Variants in PTPRD observed in about 807,000 individuals in gnomAD.
PTPRD encodes protein tyrosine phosphatase receptor type D.
A neutral mutation model predicts 214.5 loss-of-function variants in PTPRD; 34 were observed. The ratio of observed to expected loss-of-function variants is 0.16; its 90% CI spans 0.12 to 0.21. The LOEUF (loss-of-function observed/expected upper bound fraction) is 0.21, where lower values mean the gene tolerates loss of function less well. Ranked by LOEUF, PTPRD falls within the 10% of genes least tolerant of loss-of-function variation. The probability of loss-of-function intolerance (pLI) is 1.00; values close to 1 mark genes in which losing one functional copy is unlikely to be tolerated. For synonymous variants in PTPRD, 1,128 were observed against 845.7 expected (o/e 1.33, Z -5.79); for missense variants, 2,545 against 2,398.7 (o/e 1.06, Z -1.27).
chr9:9,967,955 A>T (rs1237640816), intron 4 of PTPRD, among the ~76,000 whole-genome samples: 1 of 152,140 alleles, frequency 6.6e-6, no homozygotes, highest in African/African-American at 2.4e-5. Context: ...TTTGTCACAA[A>T]ATTTTAGAAT....
At chr9:10,454,252 A>G (rs554461123) in intron 2 of PTPRD, among the ~76,000 whole-genome samples, 1 of 151,650 alleles carries the variant, frequency 6.6e-6, no homozygotes, top group South Asian at 2.1e-4. Context: ...GCTTTCCTGA[A>G]CATTTGCCAT....
intron 11 of PTPRD, among the ~76,000 whole-genome samples, chr9:8,929,320 T>G (rs988189210): frequency 2.0e-5 from 3 of 152,166 alleles, no homozygotes; most frequent in African/African-American, 7.2e-5. Flanking sequence ...ATATTGGCTG[T>G]GGGTTTGTCA....
At chr9:10,093,109 A>G (rs1330233441) in intron 3 of PTPRD, among the ~76,000 whole-genome samples, 1 of 151,760 alleles carries the variant, frequency 6.6e-6, no homozygotes, top group Non-Finnish European at 1.5e-5. Context: ...AATAGGATCT[A>G]ATTAAACTAA....
chr9:8,794,423 T>C (rs1377804528), intron 11 of PTPRD, among the ~76,000 whole-genome samples: 2 of 152,186 alleles, frequency 1.3e-5, no homozygotes, highest in Non-Finnish European at 2.9e-5. Context: ...ATCACACTAC[T>C]TTGAAAGAAT....
chr9:9,352,325 ATATGTGTGTGTGTG>A (rs1353575302), intron 9 of PTPRD, among the ~76,000 whole-genome samples: 7 of 142,678 alleles, frequency 4.9e-5, no homozygotes, highest in African/African-American at 1.3e-4. Flanking sequence ...ATATATATAT[ATATGTGTGTGTGTG>A]TGTGTGTGTG....
chr9:10,589,694 T>C (rs1252270526), intron 2 of PTPRD, among the ~76,000 whole-genome samples: 1 of 152,016 alleles, frequency 6.6e-6, no homozygotes, highest in Non-Finnish European at 1.5e-5. Flanking sequence ...CAGAAACTGA[T>C]GGATACAGTG....
chr9:9,608,415 G>A (rs2094318692), intron 7 of PTPRD, among the ~76,000 whole-genome samples: 1 of 152,042 alleles, frequency 6.6e-6, no homozygotes, highest in Admixed American at 6.6e-5. Context: ...TGTCCAGTAA[G>A]GGAAAATTTC....
chr9:10,379,780 A>C (rs528455356), intron 2 of PTPRD, among the ~76,000 whole-genome samples: 1 of 152,074 alleles, frequency 6.6e-6, no homozygotes, highest in East Asian at 1.9e-4. Flanking sequence ...AACATAATGT[A>C]GTTTGAACTA....
Position 10,082,840 on chromosome 9 carries a change from A to AACACAC in PTPRD, c.-544-49056_-544-49051dup, listed in dbSNP as rs59362209. Among the ~76,000 whole-genome samples the AACACAC allele has an allele frequency of 8.4e-3, 1,075 of 128,202 alleles. 6 individuals are homozygous for AACACAC. The highest frequency in any genetic ancestry group is 0.026 in the South Asian group (101 of 3,914). The allele number at this position is 128,202 out of a possible 152,430, so 84.1% of individuals were successfully genotyped here. On this transcript the variant is annotated intron_variant, in intron 3 of 45. Transcript: ENST00000381196. ...ACACACACACACACACACACACACA[A>AACACAC]ACACACACACACACACACACACACC...
chr9:9,600,818 G>T (rs575891581), intron 7 of PTPRD, among the ~76,000 whole-genome samples: 2 of 151,952 alleles, frequency 1.3e-5, no homozygotes, highest in Non-Finnish European at 2.9e-5. Context: ...AAATGTTACT[G>T]GTCTGGCTTC....
At chr9:9,715,003 G>A (rs1022604286) in intron 7 of PTPRD, among the ~76,000 whole-genome samples, 2 of 152,258 alleles carry the variant, frequency 1.3e-5, no homozygotes, top group South Asian at 4.1e-4. Flanking sequence ...TTTAGGGGAA[G>A]AAGAAAGTAC....
chr9:9,193,544 T>A (rs62529523), intron 9 of PTPRD, among the ~76,000 whole-genome samples: 30,956 of 152,146 alleles, frequency 0.2, 3,995 homozygotes, highest in Non-Finnish European at 0.29. Flanking sequence ...CTAGGCTACA[T>A]GGTATAGCCT....
chr9:10,431,954 T>G (rs1188821707), intron 2 of PTPRD, among the ~76,000 whole-genome samples: 1 of 152,078 alleles, frequency 6.6e-6, no homozygotes, highest in East Asian at 1.9e-4. Context: ...CAAAGGACTA[T>G]AAATCATGCT....
At chr9:8,894,573 G>T (rs1362291508) in intron 11 of PTPRD, among the ~76,000 whole-genome samples, 1 of 152,016 alleles carries the variant, frequency 6.6e-6, no homozygotes, top group Non-Finnish European at 1.5e-5. Context: ...CATGATGCTT[G>T]TAATGTCCTA....
At chr9:8,670,019 C>T (rs75266149) in intron 12 of PTPRD, among the ~76,000 whole-genome samples, 1 of 142,338 alleles carries the variant, frequency 7.0e-6, no homozygotes, top group Non-Finnish European at 1.5e-5. Context: ...TTTTCTGCCT[C>T]TTTTTTTTTT....
intron 3 of PTPRD, among the ~76,000 whole-genome samples, chr9:10,245,817 C>T (rs950185295): frequency 1.3e-5 from 2 of 151,920 alleles, no homozygotes; most frequent in Non-Finnish European, 2.9e-5. Flanking sequence ...AGGGTGCAAG[C>T]TAAGTAAGCT....
chr9:8,369,467 T>C (rs144098042), intron 39 of PTPRD, among the ~76,000 whole-genome samples: 25 of 151,726 alleles, frequency 1.6e-4, no homozygotes, highest in Non-Finnish European at 3.2e-4. Flanking sequence ...TCTGATTTTT[T>C]ACTGGGCCAT....
intron 7 of PTPRD, among the ~76,000 whole-genome samples, chr9:9,734,157 G>C (rs2098251022): frequency 6.6e-6 from 1 of 151,956 alleles, no homozygotes; most frequent in African/African-American, 2.4e-5. Context: ...GCTCATCTTT[G>C]GTTTTTATCT....
intron 14 of PTPRD, among the ~76,000 whole-genome samples, chr9:8,606,619 G>A (rs541400414): frequency 6.6e-6 from 1 of 152,294 alleles, no homozygotes; most frequent in South Asian, 2.1e-4. Flanking sequence ...ACTACATGAT[G>A]CTTGATATTC....
Sources: gnomAD v4.1 joint callset for allele counts (sites outside exome capture counted in the v4.1 genomes callset) on GRCh38, gnomAD v4.1.1 for gene constraint, MANE v1.5 for transcripts, NCBI Gene and HGNC (gene_info 2026-07-23, HGNC 2026-07-21) for gene names.